Variants in SLC8A1 observed in about 807,000 individuals in gnomAD.
The protein encoded by SLC8A1 is solute carrier family 8 member A1.
A neutral mutation model predicts 68.3 loss-of-function variants in SLC8A1; 18 were observed. That is an observed-to-expected ratio of 0.26 (90% CI 0.18 to 0.39). The LOEUF is 0.39. Among genes scored for constraint, SLC8A1 ranks in the 10% least tolerant of loss-of-function variants. The probability of loss-of-function intolerance (pLI) is 1.00; values close to 1 mark genes in which losing one functional copy is unlikely to be tolerated. For synonymous variants in SLC8A1, 475 were observed against 415.5 expected, an observed-to-expected ratio of 1.14 and a Z score of -1.74; for missense variants, 985 against 1,156.7, an observed-to-expected ratio of 0.85 and a Z score of 2.15.
chr2:40,098,964 A>G (rs2033733405), exon 8 of SLC8A1: 2 of 152,066 alleles, frequency 1.3e-5, no homozygotes, highest in African/African-American at 4.8e-5. Context: ...TTTTAATGAT[A>G]TCAGGTATAT....
intron 2 of SLC8A1, among the ~76,000 whole-genome samples, chr2:40,306,435 A>G (rs922093551): frequency 7.0e-6 from 1 of 143,314 alleles, no homozygotes; most frequent in African/African-American, 2.6e-5. Flanking sequence ...AAGGATAAAT[A>G]AAAAAAGGAA....
chr2:40,174,036 T>C (rs181216334), intron 4 of SLC8A1, among the ~76,000 whole-genome samples: 2 of 152,298 alleles, frequency 1.3e-5, no homozygotes, highest in East Asian at 3.9e-4. Context: ...TTGAAACTTT[T>C]TAATTTTGAC....
intron 2 of SLC8A1, among the ~76,000 whole-genome samples, chr2:40,329,788 A>G (rs1459082561): frequency 6.6e-6 from 1 of 152,104 alleles, no homozygotes. Context: ...GTATTCCTCA[A>G]TCCCATCCCA....
At chr2:40,462,764 C>T (rs185453611) in intron 1 of SLC8A1, among the ~76,000 whole-genome samples, 8 of 151,918 alleles carry the variant, frequency 5.3e-5, no homozygotes, top group Admixed American at 2.0e-4. Context: ...GCCCAGATTA[C>T]GCCACTGCCC....
intron 7 of SLC8A1, among the ~76,000 whole-genome samples, chr2:40,117,268 G>C (rs980023183): frequency 4.0e-5 from 6 of 151,780 alleles, no homozygotes; most frequent in Non-Finnish European, 5.9e-5. Context: ...GTCCTGGCTG[G>C]GCACGGTAGC....
intron 2 of SLC8A1, among the ~76,000 whole-genome samples, chr2:40,279,287 A>C (rs570498849): frequency 2.6e-5 from 4 of 152,298 alleles, no homozygotes; most frequent in African/African-American, 9.6e-5. Context: ...TTGTAGCCTC[A>C]CAGCATTCAA....
At chr2:40,331,503 G>A (rs537178011) in intron 2 of SLC8A1, among the ~76,000 whole-genome samples, 1 of 152,126 alleles carries the variant, frequency 6.6e-6, no homozygotes, top group Non-Finnish European at 1.5e-5. Flanking sequence ...AAAATTTTAT[G>A]TGAGTTAACT....
intron 2 of SLC8A1, among the ~76,000 whole-genome samples, chr2:40,206,829 G>A (rs1406016702): frequency 6.6e-6 from 1 of 152,020 alleles, no homozygotes; most frequent in Non-Finnish European, 1.5e-5. Flanking sequence ...ATCTTCTTAA[G>A]AGCTCGGCGA....
chr2:40,403,238 A>G (rs1689281432), intron 2 of SLC8A1, among the ~76,000 whole-genome samples: 1 of 152,248 alleles, frequency 6.6e-6, no homozygotes, highest in Non-Finnish European at 1.5e-5. Context: ...CTTATTCAAA[A>G]GCAAACCTTT....
intron 1 of SLC8A1, among the ~76,000 whole-genome samples, chr2:40,476,021 G>C (rs1704283034): frequency 6.6e-6 from 1 of 152,076 alleles, no homozygotes; most frequent in African/African-American, 2.4e-5. Context: ...GAGAGGTATT[G>C]TTTTGGCACA....
intron 2 of SLC8A1, among the ~76,000 whole-genome samples, chr2:40,180,323 G>A (rs1489113146): frequency 6.6e-6 from 1 of 152,172 alleles, no homozygotes; most frequent in African/African-American, 2.4e-5. Flanking sequence ...AGAAGGCACA[G>A]GAGGATGGAT....
At chr2:40,464,321 G>C (rs1703531760) in intron 1 of SLC8A1, among the ~76,000 whole-genome samples, 1 of 152,198 alleles carries the variant, frequency 6.6e-6, no homozygotes. Context: ...TTCTAGCATA[G>C]AGACAACGCA....
At chr2:40,294,397 G>C (rs1407460270) in intron 2 of SLC8A1, among the ~76,000 whole-genome samples, 1 of 152,130 alleles carries the variant, frequency 6.6e-6, no homozygotes, top group Non-Finnish European at 1.5e-5. Flanking sequence ...ATAAGGTAAA[G>C]TAAGTTGTAG....
intron 7 of SLC8A1, chr2:40,118,617 T>TTTG (rs2036074373): frequency 7.0e-6 from 1 of 143,632 alleles, no homozygotes; most frequent in East Asian, 2.0e-4. Flanking sequence ...GTTTTTTTTT[T>TTTG]TTTTTTTTTT....
chr2:40,284,375 GTATGA>G (rs962766726), intron 2 of SLC8A1, among the ~76,000 whole-genome samples: 29 of 145,700 alleles, frequency 2.0e-4, no homozygotes, highest in Non-Finnish European at 2.8e-4. Context: ...ATATATTTAT[GTATGA>G]TATATGATAT....
intron 2 of SLC8A1, among the ~76,000 whole-genome samples, chr2:40,295,024 T>A (rs2070084348): frequency 6.6e-6 from 1 of 152,088 alleles, no homozygotes; most frequent in Non-Finnish European, 1.5e-5. Context: ...GCATAATACA[T>A]GAGAAAAATG....
intron 2 of SLC8A1, among the ~76,000 whole-genome samples, chr2:40,290,971 A>G (rs868843404): frequency 5.6e-4 from 86 of 152,352 alleles, no homozygotes; most frequent in Middle Eastern, 6.8e-3. Flanking sequence ...AAGTCCCATC[A>G]GTGGGCAAAC....
intron 2 of SLC8A1, among the ~76,000 whole-genome samples, chr2:40,379,574 G>T (rs1203325183): frequency 6.6e-6 from 1 of 151,690 alleles, no homozygotes; most frequent in East Asian, 1.9e-4. Context: ...TCCTTAGCTT[G>T]ACTATGTTGT....
chr2:40,153,083 A>C (rs1192625426), intron 6 of SLC8A1, among the ~76,000 whole-genome samples: 3 of 152,194 alleles, frequency 2.0e-5, no homozygotes, highest in Non-Finnish European at 4.4e-5. Flanking sequence ...ACTAGCTTAC[A>C]TTTTAAAAAA....
Sources: allele counts gnomAD v4.1 joint callset (sites outside exome capture counted in the v4.1 genomes callset), GRCh38; gene constraint gnomAD v4.1.1; transcripts MANE v1.5; gene names NCBI Gene and HGNC (gene_info 2026-07-23, HGNC 2026-07-21).